The following PKN2 variants were observed in gnomAD, a reference collection of about 807,000 sequenced individuals.
PKN2 encodes protein kinase N2.
In PKN2, 38 loss-of-function variants were observed where a neutral mutation model predicts 119.1. That is an observed-to-expected ratio of 0.32 (90% CI 0.25 to 0.42). The LOEUF (loss-of-function observed/expected upper bound fraction) is 0.42, where lower values mean the gene tolerates loss of function less well. Ranked by LOEUF, PKN2 falls within the 10% of genes least tolerant of loss-of-function variation. PKN2 has a pLI of 1.00. For synonymous variants in PKN2, 390 were observed against 384.9 expected (o/e 1.01, Z -0.15); for missense variants, 850 against 1,165.1 (o/e 0.73, Z 3.94).
intron 8 of PKN2, among the ~76,000 whole-genome samples, chr1:88,787,678 G>A (rs375600425): frequency 3.9e-5 from 6 of 152,300 alleles, no homozygotes; most frequent in Middle Eastern, 3.4e-3. Context: ...ACTGTTATTT[G>A]TTCTTTCCCT....
At chr1:88,759,766 G>C (rs1387444257) in intron 2 of PKN2, among the ~76,000 whole-genome samples, 1 of 152,092 alleles carries the variant, frequency 6.6e-6, no homozygotes, top group Non-Finnish European at 1.5e-5. Flanking sequence ...AGAAAATCTA[G>C]AAGAAATGGA....
At chr1:88,713,930 C>G (rs998736047) in intron 1 of PKN2, among the ~76,000 whole-genome samples, 7 of 152,312 alleles carry the variant, frequency 4.6e-5, no homozygotes, top group Middle Eastern at 3.4e-3. Context: ...ACATTTAAGT[C>G]TTTAATCCAT....
Position 88,813,869 on chromosome 1 carries a change from C to T in PKN2, c.2279+136C>T. The T allele has an allele frequency of 4.6e-6, 3 of 646,324 alleles. No homozygotes were observed. The South Asian group carries it at 8.4e-5, about 18-fold the overall frequency. The allele number at this position is 646,324 out of a possible 1,614,324, so 40.0% of individuals were successfully genotyped here. On this transcript the variant is annotated intron_variant, in intron 16 of 21. Coordinates refer to ENST00000370521, the MANE Select transcript of PKN2 (RefSeq NM_006256.4). ...CTGCAAGAAATACTAGAACTCCTTA[C>T]TTACTTTTTTGCCATATACTTTTTG...
At chr1:88,739,187 A>G (rs1187173546) in intron 1 of PKN2, among the ~76,000 whole-genome samples, 1 of 152,134 alleles carries the variant, frequency 6.6e-6, no homozygotes, top group Non-Finnish European at 1.5e-5. Context: ...TCTTAGCTAG[A>G]AACAGGCTGG....
chr1:88,752,259 G>T (rs556626993), intron 2 of PKN2, among the ~76,000 whole-genome samples: 1 of 151,876 alleles, frequency 6.6e-6, no homozygotes, highest in East Asian at 1.9e-4. Flanking sequence ...TTCTAATTTT[G>T]TTATTACATT....
intron 6 of PKN2, among the ~76,000 whole-genome samples, chr1:88,773,907 A>G (rs75021899): frequency 0.04 from 6,057 of 152,268 alleles, 277 homozygotes; most frequent in African/African-American, 0.1. Context: ...CAAAACTGCC[A>G]TCACTTCATA....
chr1:88,835,123 C>G lies in PKN2; in HGVS notation c.*1675C>G, dbSNP rs780069908. 1 of 152,054 alleles carries G rather than the reference C, an allele frequency of 6.6e-6. No homozygotes were observed. The highest frequency in any genetic ancestry group is 2.4e-5 in the African/African-American group (1 of 41,406). 9.4% of individuals were successfully genotyped at this position (152,054 alleles called of 1,614,324 possible). On this transcript the variant is annotated 3_prime_UTR_variant, in exon 22 of 22. Coordinates refer to ENST00000370521, the MANE Select transcript of PKN2 (RefSeq NM_006256.4). ...GCATCTTTTCATTGTACTCTGAGAACAATTAAAATTGTCCAGAGATCATTT... is the reference window on the plus strand; with the variant it reads ...GCATCTTTTCATTGTACTCTGAGAAGAATTAAAATTGTCCAGAGATCATTT...
chr1:88,824,344 G>A lies in PKN2; in HGVS notation c.2377G>A (p.Glu793Lys). 1.2e-6 allele frequency: 2 copies of A among 1,601,368 alleles called. No individual in the cohort carries two copies. The highest frequency in any genetic ancestry group is 2.2e-5 in the South Asian group (2 of 90,622). ...LKLDNLLLDT[E>K]GFVKIADFGL... ...ATTGGATAACTTATTGCTAGATACAGAGGGCTTTGTGAAAATTGCTGATTT... is the reference window on the plus strand; with the variant it reads ...ATTGGATAACTTATTGCTAGATACAAAGGGCTTTGTGAAAATTGCTGATTT... The change falls in exon 18 of 22, where the codon GAG (glutamate) becomes AAG (lysine). Residue 793 changes from glutamate to lysine, a missense_variant. Glu to Lys is a moderately conservative substitution (Grantham distance 56). Coordinates refer to ENST00000370521, the MANE Select transcript of PKN2 (RefSeq NM_006256.4).
At position 88,813,593 on chromosome 1, in the gene PKN2, T is replaced by C; in HGVS notation, c.2139T>C (p.Asn713=). Residue 713 remains asparagine, a synonymous_variant, in exon 16 of 22, where the codon AAT becomes AAC. Transcript: ENST00000370521. ...AAAAAAGAATTTTTGAAACTGTGAA[T>C]AGTGTAAGGCATCCCTTTTTGGTGA... The part of the protein sequence containing the change: ...MCEKRIFETV[N]SVRHPFLVNL... 2 of 1,600,824 alleles carry C rather than the reference T, an allele frequency of 1.2e-6. No individual in the cohort carries two copies. The highest frequency in any genetic ancestry group is 2.3e-5 in the South Asian group (2 of 88,262).
At chr1:88,714,161 A>G (rs1667352409) in intron 1 of PKN2, among the ~76,000 whole-genome samples, 1 of 152,172 alleles carries the variant, frequency 6.6e-6, no homozygotes, top group Non-Finnish European at 1.5e-5. Flanking sequence ...TGGTACCAGT[A>G]CCGTGCTGTT....
rs370636992 is a variant in PKN2 at position 88,687,497 on chromosome 1, A to T, written c.48+2869A>T. Among the ~76,000 whole-genome samples, 123 of 152,330 alleles carry T rather than the reference A, an allele frequency of 8.1e-4. 1 individual carries two copies. Among genetic ancestry groups the T allele is most frequent in the African/African-American group, 2.9e-3 (119 of 41,578 alleles). On this transcript the variant is annotated intron_variant, in intron 1 of 21. Coordinates refer to ENST00000370521, the MANE Select transcript of PKN2 (RefSeq NM_006256.4). ...AGTCTATTTCCAAGAAACCTGGATT[A>T]ATGAAAACTGTAAAGAATCTCAGAA...
chr1:88,711,700 A>G (rs1235935653), intron 1 of PKN2, among the ~76,000 whole-genome samples: 6 of 152,188 alleles, frequency 3.9e-5, no homozygotes, highest in African/African-American at 4.8e-5. Context: ...AAAGTTTACA[A>G]TTGTAGGTAG....
intron 8 of PKN2, among the ~76,000 whole-genome samples, chr1:88,800,926 T>C (rs896031923): frequency 3.3e-5 from 5 of 152,208 alleles, no homozygotes; most frequent in African/African-American, 4.8e-5. Context: ...AGTACCTATC[T>C]CAACTTGTAC....
At position 88,833,761 on chromosome 1, in the gene PKN2, CT is replaced by C; in HGVS notation, c.*319del. The C allele has an allele frequency of 4.0e-6, 1 of 248,882 alleles. No individual in the cohort carries two copies. The highest frequency in any genetic ancestry group is 7.7e-6 in the Non-Finnish European group (1 of 129,810). The allele number at this position is 248,882 out of a possible 1,614,324, so 15.4% of individuals were successfully genotyped here. A position where few individuals can be genotyped will look rare whatever the true frequency, so the allele number is the denominator to read the frequency against. ...TTTTTAAAAAGAAAGAAAAAAACCA[CT>C]TTTTTATAGTCCCTAGCTTTGCCAT... On this transcript the variant is annotated 3_prime_UTR_variant, in exon 22 of 22. Coordinates refer to ENST00000370521, the MANE Select transcript of PKN2 (RefSeq NM_006256.4).
At chr1:88,829,325 G>T in intron 19 of PKN2, 21 of 511,784 alleles carry the variant, frequency 4.1e-5, no homozygotes, top group South Asian at 8.7e-5. Context: ...AAAAGTATTC[G>T]CTACACCAAC....
chr1:88,804,587 T>G, intron 9 of PKN2, 53 bp downstream of exon 9: 2 of 1,505,628 alleles, frequency 1.3e-6, no homozygotes, highest in Admixed American at 3.4e-5. Context: ...ATTACATATG[T>G]AGGCAGCATA....
At chr1:88,801,425 G>A (rs746364398) in intron 8 of PKN2, among the ~76,000 whole-genome samples, 9 of 152,088 alleles carry the variant, frequency 5.9e-5, no homozygotes, top group Admixed American at 2.6e-4. Flanking sequence ...GTAAACATTA[G>A]TGACATCTTC....
intron 2 of PKN2, among the ~76,000 whole-genome samples, chr1:88,746,511 T>A (rs1668775645): frequency 6.6e-6 from 1 of 151,614 alleles, no homozygotes; most frequent in East Asian, 1.9e-4. Flanking sequence ...AAAAAAATGA[T>A]CAGTATCTCT....
intron 17 of PKN2, among the ~76,000 whole-genome samples, chr1:88,822,799 A>T (rs1672348685): frequency 6.6e-6 from 1 of 151,894 alleles, no homozygotes; most frequent in African/African-American, 2.4e-5. Context: ...GGCTGGTCTT[A>T]AAACTCCTGA....
Sources: gnomAD v4.1 joint callset for allele counts (sites outside exome capture counted in the v4.1 genomes callset) on GRCh38, gnomAD v4.1.1 for gene constraint, MANE v1.5 for transcripts, NCBI Gene and HGNC (gene_info 2026-07-23, HGNC 2026-07-21) for gene names.